PDE7A: variants seen among roughly 807,000 people sequenced by gnomAD.
PDE7A encodes the protein high affinity 3',5'-cyclic-AMP phosphodiesterase 7A.
Under a neutral mutation model 64.3 loss-of-function variants are expected in PDE7A, and 39 were observed. The ratio of observed to expected loss-of-function variants is 0.61; its 90% CI spans 0.47 to 0.79. The LOEUF is 0.79. PDE7A is among the 30% of genes least tolerant of loss of function. PDE7A has a pLI of 0.00. For missense variants in PDE7A, 470 were observed against 582.8 expected (o/e 0.81, Z 1.99); for synonymous variants, 203 against 206.8 (o/e 0.98, Z 0.16).
intron 1 of PDE7A, among the ~76,000 whole-genome samples, chr8:65,820,231 A>G (rs1488010586): frequency 2.6e-5 from 4 of 152,172 alleles, no homozygotes; most frequent in Admixed American, 1.3e-4. Flanking sequence ...TCCTGTCTCT[A>G]CTAAAAATAC....
chr8:65,795,984 C>A (rs2128926967), intron 1 of PDE7A, among the ~76,000 whole-genome samples: 1 of 151,494 alleles, frequency 6.6e-6, no homozygotes, highest in South Asian at 2.1e-4. Flanking sequence ...TCATCTATAG[C>A]TGAAAAATAC....
chr8:65,774,702 T>G (rs995158352), intron 3 of PDE7A, among the ~76,000 whole-genome samples: 4 of 151,768 alleles, frequency 2.6e-5, no homozygotes, highest in African/African-American at 9.7e-5. Context: ...GGCTAAATAT[T>G]GTTTAAATTT....
At chr8:65,768,454 C>T (rs1262075561) in intron 3 of PDE7A, among the ~76,000 whole-genome samples, 2 of 152,168 alleles carry the variant, frequency 1.3e-5, no homozygotes. Context: ...AGTTTCCCTG[C>T]ACAACCTCTC....
rs77990237 is a variant in PDE7A, at chr8:65,830,748, T to C, written c.138+10623A>G. Among the ~76,000 whole-genome samples, 160 of 152,242 alleles carry C rather than the reference T, an allele frequency of 1.1e-3. 1 individual carries two copies. The highest frequency in any genetic ancestry group is 2.1e-3 in the Non-Finnish European group (143 of 67,938). On this transcript the variant is annotated intron_variant, in intron 1 of 12. Transcript: ENST00000401827. ...CATACACAATTTTCGTATTTTTGTA[T>C]TATAACTGTCCATAGAACTCAGAAC...
At chr8:65,837,443 T>A (rs1183206378) in intron 1 of PDE7A, among the ~76,000 whole-genome samples, 1 of 152,224 alleles carries the variant, frequency 6.6e-6, no homozygotes, top group African/African-American at 2.4e-5. Flanking sequence ...TGTGTATACG[T>A]CATGAGATAC....
chr8:65,809,946 T>C lies in PDE7A; in HGVS notation c.139-27103A>G, dbSNP rs143362200. ...TTGTGGAAGACAGTGTGGCGATTCC[T>C]CAAGGATCTAGAACTAGAATTACCA... On this transcript the variant is annotated intron_variant, in intron 1 of 12. Coordinates refer to ENST00000401827, the MANE Select transcript of PDE7A (RefSeq NM_001242318.3). 5.8e-3 allele frequency among the ~76,000 whole-genome samples: 876 copies of C among 152,284 alleles called. 31 individuals carry two copies. The highest frequency in any genetic ancestry group is 0.047 in the Admixed American group (717 of 15,300).
At chr8:65,751,138 G>A (rs974799062) in intron 3 of PDE7A, among the ~76,000 whole-genome samples, 2 of 152,252 alleles carry the variant, frequency 1.3e-5, no homozygotes, top group South Asian at 4.2e-4. Flanking sequence ...AGGGTCTGAG[G>A]GCCTCATACA....
intron 1 of PDE7A, among the ~76,000 whole-genome samples, chr8:65,830,051 C>G (rs759422632): frequency 6.6e-6 from 1 of 152,070 alleles, no homozygotes; most frequent in Non-Finnish European, 1.5e-5. Context: ...TTTACTTCCA[C>G]TTCCTCTTTC....
At chr8:65,723,651 A>C in intron 11 of PDE7A, 30 bp from the exon 12 acceptor site, 1 of 1,424,586 alleles carries the variant, frequency 7.0e-7, no homozygotes, top group Non-Finnish European at 9.5e-7. Context: ...AAGTATTAAT[A>C]TGAAGAATAT....
chr8:65,747,504 C>G, intron 4 of PDE7A, 148 bp downstream of exon 4: 3 of 460,018 alleles, frequency 6.5e-6, no homozygotes, highest in Non-Finnish European at 1.1e-5. Context: ...AAACAAACAG[C>G]TGCTCTAAAG....
chr8:65,779,784 G>A lies in PDE7A; in HGVS notation c.219C>T (p.Ser73=). Residue 73 remains serine (S), a synonymous_variant, in exon 3 of 13, where the codon AGC becomes AGT. Coordinates refer to ENST00000401827, the MANE Select transcript of PDE7A (RefSeq NM_001242318.3). ...IRMLGDVRVR[S]RAGFESERRG... is the part of the protein sequence containing the mutation. ...TTCTTTCTGATTCAAATCCTGCTCGGCTCCTTACACGTACATCTCCTGGAC... is the reference window on the plus strand; with the variant it reads ...TTCTTTCTGATTCAAATCCTGCTCGACTCCTTACACGTACATCTCCTGGAC... The A allele has an allele frequency of 6.3e-7, 1 of 1,598,222 alleles. No individual in the cohort carries two copies. Among genetic ancestry groups the A allele is most frequent in the Middle Eastern group, 1.7e-4 (1 of 6,016 alleles).
At chr8:65,819,123 G>A (rs1435714387) in intron 1 of PDE7A, among the ~76,000 whole-genome samples, 1 of 152,258 alleles carries the variant, frequency 6.6e-6, no homozygotes, top group Non-Finnish European at 1.5e-5. Context: ...AAGGGTGGGT[G>A]TAAGGGCTCA....
At chr8:65,820,616 G>A (rs111499431) in intron 1 of PDE7A, among the ~76,000 whole-genome samples, 7,672 of 152,164 alleles carry the variant, frequency 0.05, 530 homozygotes, top group African/African-American at 0.16. Flanking sequence ...TTGAGATGGA[G>A]TCTCGCTCTG....
intron 1 of PDE7A, among the ~76,000 whole-genome samples, chr8:65,834,590 A>T (rs1290573289): frequency 6.6e-6 from 1 of 152,172 alleles, no homozygotes; most frequent in East Asian, 1.9e-4. Flanking sequence ...ACTTTGTTCT[A>T]CTCAAAATTC....
intron 7 of PDE7A, among the ~76,000 whole-genome samples, chr8:65,730,031 A>G (rs980590848): frequency 2.9e-4 from 44 of 152,040 alleles, no homozygotes; most frequent in African/African-American, 1.0e-3. Flanking sequence ...GGAACCTGAG[A>G]GGAACCAGGT....
At chr8:65,785,244 G>C (rs990311612) in intron 1 of PDE7A, among the ~76,000 whole-genome samples, 7 of 152,106 alleles carry the variant, frequency 4.6e-5, no homozygotes, top group African/African-American at 1.7e-4. Context: ...AGGAGGCTGA[G>C]GGATACAGAG....
At chr8:65,815,212 T>C (rs1186613051) in intron 1 of PDE7A, among the ~76,000 whole-genome samples, 1 of 152,200 alleles carries the variant, frequency 6.6e-6, no homozygotes, top group Non-Finnish European at 1.5e-5. Context: ...ATAGTAATGA[T>C]AGATAATCTA....
chr8:65,809,966 T>C (rs1585935641), intron 1 of PDE7A, among the ~76,000 whole-genome samples: 2 of 152,096 alleles, frequency 1.3e-5, no homozygotes, highest in Non-Finnish European at 2.9e-5. Flanking sequence ...AGAACTAGAA[T>C]TACCATTTGA....
intron 5 of PDE7A, among the ~76,000 whole-genome samples, chr8:65,740,247 ATT>A (rs915942559): frequency 6.6e-5 from 10 of 151,938 alleles, no homozygotes; most frequent in African/African-American, 1.7e-4. Context: ...CAGCAATCAT[ATT>A]GTCTTTCCAG....
Sources: allele counts gnomAD v4.1 joint callset (sites outside exome capture counted in the v4.1 genomes callset), GRCh38; gene constraint gnomAD v4.1.1; transcripts MANE v1.5; gene names NCBI Gene and HGNC (gene_info 2026-07-23, HGNC 2026-07-21).